Variants in TAFA3 observed in about 807,000 individuals in gnomAD.
TAFA3 encodes the protein TAFA chemokine like family member 3.
Under a neutral mutation model 20.7 loss-of-function variants are expected in TAFA3, and 17 were observed. The observed-to-expected ratio is 0.82, with a 90% CI of 0.56 to 1.23. The LOEUF (loss-of-function observed/expected upper bound fraction) is 1.23, where lower values mean the gene tolerates loss of function less well. TAFA3 is among the 50% of genes most tolerant of loss of function. The pLI is 0.00. For synonymous variants in TAFA3, 74 were observed against 71.8 expected, an observed-to-expected ratio of 1.03 and a Z score of -0.16; for missense variants, 174 against 172.8, an observed-to-expected ratio of 1.01 and a Z score of -0.04.
chr1:112,727,029 A>G lies in TAFA3; in HGVS notation c.*389A>G, dbSNP rs922687969. The G allele has an allele frequency of 3.0e-5, 7 of 233,080 alleles. No homozygotes were observed. Among genetic ancestry groups the G allele is most frequent in the Admixed American group, 1.6e-4 (3 of 18,396 alleles). 14.4% of individuals were successfully genotyped at this position (233,080 alleles called of 1,614,324 possible). A position where few individuals can be genotyped will look rare whatever the true frequency, so the allele number is the denominator to read the frequency against. On this transcript the variant is annotated 3_prime_UTR_variant, in exon 6 of 6. Coordinates refer to ENST00000361886, the MANE Select transcript of TAFA3 (RefSeq NM_182759.3). Reference sequence around the variant, plus strand: ...ATGAGATTCCCACAGTTCTTCAGATACCCTGTGGCCACAGGGCATAGAAAC... The same window carrying G: ...ATGAGATTCCCACAGTTCTTCAGATGCCCTGTGGCCACAGGGCATAGAAAC...
Position 112,723,077 on chromosome 1 carries a change from C to A in TAFA3, c.177C>A (p.Arg59=). ...CTCACCGCTGCTGCAACCGGAACCG[C>A]ATCGAGGAGCGCTCCCAGACGGTGA... ...IAAHRCCNRN[R]IEERSQTVKC... is the part of the protein sequence containing the mutation. Residue 59 remains arginine (R), a synonymous_variant, in exon 4 of 6, where the codon CGC becomes CGA. Coordinates refer to ENST00000361886, the MANE Select transcript of TAFA3 (RefSeq NM_182759.3). The A allele has an allele frequency of 1.2e-6, 2 of 1,613,166 alleles. No homozygotes were observed. The highest frequency in any genetic ancestry group is 1.7e-4 in the Middle Eastern group (1 of 6,048).
Position 112,725,404 on chromosome 1 carries a change from A to AAAC in TAFA3, c.391-1223_391-1222insCAA, listed in dbSNP as rs1553192324. Among the ~76,000 whole-genome samples the AAAC allele has an allele frequency of 4.3e-3, 312 of 71,952 alleles. 3 individuals are homozygous for AAAC. The highest frequency in any genetic ancestry group is 0.014 in the African/African-American group (286 of 21,054). 47.2% of individuals were successfully genotyped at this position (71,952 alleles called of 152,430 possible). On this transcript the variant is annotated intron_variant, in intron 5 of 5. Transcript: ENST00000361886. Reference sequence around the variant, plus strand: ...ATAAAAGTTGAAATATTAAAAAAAAAAAAAAAAAAAACATAGTCGAGAATG... The same window carrying AAAC: ...ATAAAAGTTGAAATATTAAAAAAAAAAACAAAAAAAAAAACATAGTCGAGAATG...
rs1006420954 is a variant in TAFA3, at chr1:112,727,172, A to G, written c.*532A>G. On this transcript the variant is annotated 3_prime_UTR_variant, in exon 6 of 6. Coordinates refer to ENST00000361886, the MANE Select transcript of TAFA3 (RefSeq NM_182759.3). ...CCTTATGCCAGACCAGCAGTATCTCATTTGGATGGGATTGGATTGACTTGC... is the reference window on the plus strand; with the variant it reads ...CCTTATGCCAGACCAGCAGTATCTCGTTTGGATGGGATTGGATTGACTTGC... 6.4e-6 allele frequency: 1 copy of G among 157,112 alleles called. No homozygotes were observed. The highest frequency in any genetic ancestry group is 2.4e-5 in the African/African-American group (1 of 41,548). 9.7% of individuals were successfully genotyped at this position (157,112 alleles called of 1,614,324 possible). A position where few individuals can be genotyped will look rare whatever the true frequency, so the allele number is the denominator to read the frequency against.
chr1:112,721,754 C>T (rs2101496352), intron 2 of TAFA3, among the ~76,000 whole-genome samples: 1 of 152,318 alleles, frequency 6.6e-6, no homozygotes, highest in East Asian at 1.9e-4. Context: ...CTGGATGGGA[C>T]TGCATTTGTA....
chr1:112,721,534 G>A (rs573675767), intron 2 of TAFA3, among the ~76,000 whole-genome samples: 104 of 152,244 alleles, frequency 6.8e-4, no homozygotes, highest in African/African-American at 2.3e-3. Flanking sequence ...GGCTGGTCTC[G>A]AACTTCTGGC....
chr1:112,724,125 CA>C lies in TAFA3; in HGVS notation c.382del (p.Thr128ProfsTer20). ...GWSCSSGHKV[K>X]TTKVTR The stretch of plus-strand genomic sequence containing the variant: ...GGAGCTGCAGCAGTGGACACAAAGT[CA>C]AAACCACCAAGGTACCCTGGGTGGG... On this transcript the variant is annotated frameshift_variant, in exon 5 of 6. Transcript: ENST00000361886. LOFTEE classifies it high-confidence loss of function. 1 of 1,604,796 alleles carries C rather than the reference CA, an allele frequency of 6.2e-7. No homozygotes were observed. The highest frequency in any genetic ancestry group is 8.5e-7 in the Non-Finnish European group (1 of 1,174,922).
intron 4 of TAFA3, 46 bp downstream of exon 4, chr1:112,723,211 A>T (rs1354127643): frequency 6.3e-7 from 1 of 1,593,380 alleles, no homozygotes; most frequent in Admixed American, 1.8e-5. Context: ...GCAGAGCCAT[A>T]AGGAGGCCTG....
At position 112,723,008 on chromosome 1, in the gene TAFA3, C is replaced by G; in HGVS notation, c.116-8C>G. The G allele has an allele frequency of 6.2e-7, 1 of 1,606,142 alleles. No individual in the cohort carries two copies. The highest frequency in any genetic ancestry group is 8.5e-7 in the Non-Finnish European group (1 of 1,176,144). On this transcript the variant is annotated splice_polypyrimidine_tract_variant and splice_region_variant and intron_variant, in intron 3 of 5. Coordinates refer to ENST00000361886, the MANE Select transcript of TAFA3 (RefSeq NM_182759.3). Reference sequence around the variant, plus strand: ...GTTGGGCGTCTGATCCTGGGCGGCTCCCCTCAGTGCTTGTGCAGCAGGGCA... The same window carrying G: ...GTTGGGCGTCTGATCCTGGGCGGCTGCCCTCAGTGCTTGTGCAGCAGGGCA...
intron 5 of TAFA3, among the ~76,000 whole-genome samples, chr1:112,725,395 TAAAAA>T (rs35474012): frequency 2.4e-5 from 2 of 83,378 alleles, no homozygotes; most frequent in African/African-American, 9.7e-5. Context: ...GTTGAAATAT[TAAAAA>T]AAAAAAAAAA....
Position 112,724,061 on chromosome 1 carries a change from C to A in TAFA3, c.314C>A (p.Pro105Gln), listed in dbSNP as rs538277150. 4 of 1,613,628 alleles carry A rather than the reference C, an allele frequency of 2.5e-6. No homozygotes were observed. The highest frequency in any genetic ancestry group is 3.3e-5 in the Admixed American group (2 of 59,996). The change falls in exon 5 of 6, where the codon CCG (proline) becomes CAG (glutamine). Residue 105 changes from proline to glutamine, a missense_variant. Coordinates refer to ENST00000361886, the MANE Select transcript of TAFA3 (RefSeq NM_182759.3). ...RWWCQMEPCL[P>Q]GEECKVLPDL... ...TGGTGTCAGATGGAGCCCTGCCTGCCGGGGGAGGAGTGTAAGGTGCTCCCG... is the reference window on the plus strand; with the variant it reads ...TGGTGTCAGATGGAGCCCTGCCTGCAGGGGGAGGAGTGTAAGGTGCTCCCG...
At chr1:112,721,812 A>G (rs945799275) in intron 2 of TAFA3, among the ~76,000 whole-genome samples, 11 of 152,176 alleles carry the variant, frequency 7.2e-5, no homozygotes, top group African/African-American at 2.2e-4. Context: ...ATGGTTGTTT[A>G]GGTTATGTCC....
At chr1:112,723,512 C>T (rs1256365379) in intron 4 of TAFA3, among the ~76,000 whole-genome samples, 2 of 152,140 alleles carry the variant, frequency 1.3e-5, no homozygotes, top group African/African-American at 4.8e-5. Context: ...ACTCTCCTCT[C>T]CTTCTCAGCC....
intron 5 of TAFA3, among the ~76,000 whole-genome samples, chr1:112,726,413 A>C (rs1427527694): frequency 6.6e-6 from 1 of 152,160 alleles, no homozygotes; most frequent in South Asian, 2.1e-4. Context: ...AGTGCTTGCA[A>C]TTTGGGTAGC....
intron 4 of TAFA3, 101 bp downstream of exon 4, chr1:112,723,266 C>T (rs1675374933): frequency 1.4e-6 from 2 of 1,421,698 alleles, no homozygotes; most frequent in Non-Finnish European, 9.3e-7. Context: ...ATACCCGTCT[C>T]AGGGCTTTCA....
chr1:112,722,163 A>C, intron 2 of TAFA3, 70 bp from the exon 3 acceptor site: 3 of 1,514,254 alleles, frequency 2.0e-6, no homozygotes, highest in Non-Finnish European at 2.7e-6. Context: ...TGTGTGGCAC[A>C]GAGAAGGTGC....
Position 112,724,060 on chromosome 1 carries a change from C to T in TAFA3, c.313C>T (p.Pro105Ser). ...GTGGTGTCAGATGGAGCCCTGCCTG[C>T]CGGGGGAGGAGTGTAAGGTGCTCCC... ...RWWCQMEPCL[P>S]GEECKVLPDL... The change falls in exon 5 of 6, where the codon CCG becomes TCG. Residue 105 changes from proline to serine, a missense_variant. Coordinates refer to ENST00000361886, the MANE Select transcript of TAFA3 (RefSeq NM_182759.3). 6.2e-7 allele frequency: 1 copy of T among 1,613,792 alleles called. No homozygotes were observed. The highest frequency in any genetic ancestry group is 8.5e-7 in the Non-Finnish European group (1 of 1,179,952).
intron 5 of TAFA3, among the ~76,000 whole-genome samples, chr1:112,725,279 A>C (rs549694340): frequency 1.3e-5 from 2 of 151,924 alleles, no homozygotes; most frequent in Non-Finnish European, 2.9e-5. Flanking sequence ...ATTGGGTCCT[A>C]TGCTTACTAC....
Position 112,723,022 on chromosome 1 carries a change from T to C in TAFA3, c.122T>C (p.Val41Ala). 2 of 1,611,680 alleles carry C rather than the reference T, an allele frequency of 1.2e-6. No individual in the cohort carries two copies. Among genetic ancestry groups the C allele is most frequent in the Non-Finnish European group, 1.7e-6 (2 of 1,179,212 alleles). Reference sequence around the variant, plus strand: ...CCTGGGCGGCTCCCCTCAGTGCTTGTGCAGCAGGGCACCTGCGAGGTGATT... The same window carrying C: ...CCTGGGCGGCTCCCCTCAGTGCTTGCGCAGCAGGGCACCTGCGAGGTGATT... The part of the protein sequence containing the change: ...ALQPPTATVL[V>A]QQGTCEVIAA... The change falls in exon 4 of 6, where the codon GTG (valine) becomes GCG (alanine). Residue 41 changes from valine to alanine, a missense_variant. Transcript: ENST00000361886.
intron 2 of TAFA3, among the ~76,000 whole-genome samples, chr1:112,721,195 C>T (rs1675320207): frequency 6.6e-6 from 1 of 152,254 alleles, no homozygotes; most frequent in Non-Finnish European, 1.5e-5. Context: ...AGTCTCTCTT[C>T]TACCTCCATC....
Sources: allele counts gnomAD v4.1 joint callset (sites outside exome capture counted in the v4.1 genomes callset), GRCh38; gene constraint gnomAD v4.1.1; transcripts MANE v1.5; gene names NCBI Gene and HGNC (gene_info 2026-07-23, HGNC 2026-07-21).